The following TPPP2 variants were observed in gnomAD, a reference collection of about 807,000 sequenced individuals.
TPPP2 encodes tubulin polymerization-promoting protein family member 2.
In TPPP2, 8 loss-of-function variants were observed where a neutral mutation model predicts 13.0. That is an observed-to-expected ratio of 0.62 (90% CI 0.36 to 1.11). TPPP2 has a LOEUF of 1.11. Among genes scored for constraint, TPPP2 ranks in the 50% most tolerant of loss-of-function variants. TPPP2 has a pLI of 0.02. For synonymous variants in TPPP2, 81 were observed against 81.8 expected (o/e 0.99, Z 0.05); for missense variants, 213 against 216.9 (o/e 0.98, Z 0.11).
Position 21,030,561 on chromosome 14 carries a change from C to T in TPPP2, c.-21C>T. ...CCCCCAAGTGTCTCCCACGACTGCC[C>T]TCCCCGACCTCTAGCTGACCATGGC... is the stretch of plus-strand genomic sequence containing the variant. On this transcript the variant is annotated 5_prime_UTR_variant, in exon 2 of 4. Coordinates refer to ENST00000321760, the MANE Select transcript of TPPP2 (RefSeq NM_173846.5). 6.2e-7 allele frequency: 1 copy of T among 1,611,132 alleles called. No homozygotes were observed. The highest frequency in any genetic ancestry group is 8.5e-7 in the Non-Finnish European group (1 of 1,178,614).
At chr14:21,035,024 G>A (rs565625527), downstream of TPPP2, among the ~76,000 whole-genome samples, 2 of 152,354 alleles carry the variant, frequency 1.3e-5, no homozygotes, top group South Asian at 4.1e-4. Context: ...ATGTTTCTGA[G>A]GAACAAAGTG....
At chr14:21,033,705 A>AG (rs767313648), downstream of TPPP2, 18 of 790,478 alleles carry the variant, frequency 2.3e-5, no homozygotes, top group African/African-American at 3.0e-4. Flanking sequence ...GTCTCTTGGG[A>AG]GGGGACCCTG....
chr14:21,035,284 C>G (rs1884545749), downstream of TPPP2, among the ~76,000 whole-genome samples: 1 of 152,222 alleles, frequency 6.6e-6, no homozygotes, highest in Admixed American at 6.5e-5. Context: ...TCTGAAGCCT[C>G]AAACTTGGCA....
chr14:21,034,405 C>G (rs748602073), downstream of TPPP2: 454 of 748,088 alleles, frequency 6.1e-4, no homozygotes, highest in Middle Eastern at 2.0e-3. Flanking sequence ...GATCATCTCA[C>G]CCATAACCAA....
downstream of TPPP2, chr14:21,033,442 G>A (rs1274980480): frequency 3.3e-5 from 10 of 299,252 alleles, no homozygotes; most frequent in East Asian, 3.4e-4. Flanking sequence ...GGTGAGACTC[G>A]GAGCTGGTGC....
Position 21,032,043 on chromosome 14 carries a change from A to G in TPPP2, c.479A>G (p.Lys160Arg). Reference protein sequence around the residue: ...TDNTGYVSGYKGSGTYDKKTK With the variant: ...TDNTGYVSGYRGSGTYDKKTK ...AACACAGGCTATGTGAGTGGTTACA[A>G]GGGTTCTGGCACCTACGATAAGAAG... Residue 160 changes from lysine (K) to arginine (R), a missense_variant, in exon 4 of 4, where the codon AAG becomes AGG. Transcript: ENST00000321760. 6 of 1,614,164 alleles carry G rather than the reference A, an allele frequency of 3.7e-6. No homozygotes were observed. Among genetic ancestry groups the G allele is most frequent in the Non-Finnish European group, 5.1e-6 (6 of 1,180,024 alleles).
upstream of TPPP2, chr14:21,025,364 G>C: frequency 1.0e-6 from 1 of 985,454 alleles, no homozygotes; most frequent in Non-Finnish European, 1.2e-6. This position sits in a 1 kb window ranked among gnomAD's most constrained non-coding sequence, Gnocchi z 5.1. Context: ...GGGATCCCTC[G>C]GCTGCCCTCA....
chr14:21,036,115 A>G, downstream of TPPP2: 1 of 448,564 alleles, frequency 2.2e-6, no homozygotes, highest in Admixed American at 2.4e-5. Context: ...TATGAGCCTG[A>G]GTCCATCAGT....
chr14:21,031,385 C>T, intron 3 of TPPP2: 6 of 548,900 alleles, frequency 1.1e-5, no homozygotes, highest in Non-Finnish European at 9.1e-6. Flanking sequence ...AGACTAATTT[C>T]CAAGTGTCTA....
chr14:21,030,614 G>A lies in TPPP2; in HGVS notation c.33G>A (p.Arg11=). 6.2e-7 allele frequency: 1 copy of A among 1,613,844 alleles called. No homozygotes were observed. Among genetic ancestry groups the A allele is most frequent in the Non-Finnish European group, 8.5e-7 (1 of 1,179,962 alleles). ...CAGAGGCAGAAAAAACATTCCATCG[G>A]TTTGCTGCGTTTGGAGAATCATCAA... MASEAEKTFH[R]FAAFGESSSS... Residue 11 remains arginine, a synonymous_variant, in exon 2 of 4, where the codon CGG becomes CGA. Transcript: ENST00000321760.
Position 21,025,113 on chromosome 14 carries a change from G to T in TPPP2, n.236+769G>T, listed in dbSNP as rs1009702845. ...CGGGCTTCCCGCAGACCCGCCCCCG[G>T]CCCGCCCCAGCCCGCCCACGGGCGC... On this transcript the variant is annotated intron_variant and non_coding_transcript_variant, in intron 1 of 1. Coordinates refer to the TPPP2 transcript ENST00000533755. The surrounding 1 kb of genome is among the most constrained non-coding windows in gnomAD (Gnocchi z 5.1). The T allele has an allele frequency of 2.0e-6, 2 of 982,698 alleles. No homozygotes were observed. The highest frequency in any genetic ancestry group is 2.4e-6 in the Non-Finnish European group (2 of 827,698). The allele number at this position is 982,698 out of a possible 1,614,324, so 60.9% of individuals were successfully genotyped here. A position where few individuals can be genotyped will look rare whatever the true frequency, so the allele number is the denominator to read the frequency against.
chr14:21,024,979 C>G (rs1026159893), intron 1 of TPPP2: 11 of 985,522 alleles, frequency 1.1e-5, no homozygotes, highest in Admixed American at 6.1e-5. Flanking sequence ...CCCGCCGGCC[C>G]GGCTGGCGCC....
chr14:21,027,554 C>T (rs2139062803), upstream of TPPP2, among the ~76,000 whole-genome samples: 1 of 152,252 alleles, frequency 6.6e-6, no homozygotes, highest in South Asian at 2.1e-4. Flanking sequence ...GATTTCCAAC[C>T]CCACATAATA....
chr14:21,031,358 A>G, intron 3 of TPPP2, 193 bp downstream of exon 3: 1 of 611,598 alleles, frequency 1.6e-6, no homozygotes, highest in African/African-American at 1.9e-5. Flanking sequence ...GTCCATGGCT[A>G]TTTTAATAGT....
At chr14:21,024,332 T>G (rs994185757) in exon 1 of TPPP2, 2 of 975,276 alleles carry the variant, frequency 2.1e-6, no homozygotes, top group Admixed American at 6.2e-5. Context: ...GAGAAGGAAG[T>G]GCTGATGTGG....
chr14:21,033,849 A>G (rs374644807), downstream of TPPP2: 18 of 1,613,424 alleles, frequency 1.1e-5, no homozygotes, highest in Non-Finnish European at 1.5e-5. Flanking sequence ...AGCGATACCT[A>G]TTGGATCAGC....
Position 21,032,170 on chromosome 14 carries a change from C to T in TPPP2, c.*93C>T. ...CAATAAACATCTGTGTGTGCAGCAG[C>T]CAAAATCTCTGTCTGTGAGGGACAG... On this transcript the variant is annotated 3_prime_UTR_variant, in exon 4 of 4. Coordinates refer to ENST00000321760, the MANE Select transcript of TPPP2 (RefSeq NM_173846.5). 1 of 1,323,900 alleles carries T rather than the reference C, an allele frequency of 7.6e-7. No individual in the cohort carries two copies. The highest frequency in any genetic ancestry group is 1.1e-6 in the Non-Finnish European group (1 of 926,664). The allele number at this position is 1,323,900 out of a possible 1,614,324, so 82.0% of individuals were successfully genotyped here.
chr14:21,033,138 A>G (rs1173386326), downstream of TPPP2: 1 of 379,202 alleles, frequency 2.6e-6, no homozygotes, highest in Non-Finnish European at 5.1e-6. Context: ...GAAGAAAAAG[A>G]GGTTGGAAAA....
At chr14:21,034,233 A>C, downstream of TPPP2, 1 of 1,614,086 alleles carries the variant, frequency 6.2e-7, no homozygotes, top group Non-Finnish European at 8.5e-7. Flanking sequence ...GTCCATGACC[A>C]GAGTTGGCCC....
Sources: gnomAD v4.1 joint callset for allele counts (sites outside exome capture counted in the v4.1 genomes callset) on GRCh38, gnomAD v4.1.1 for gene constraint, Gnocchi (gnomAD v3.1) non-coding constraint, MANE v1.5 for transcripts, NCBI Gene and HGNC (gene_info 2026-07-23, HGNC 2026-07-21) for gene names.